PCDHA2: variants seen among roughly 807,000 people sequenced by gnomAD.
The protein encoded by PCDHA2 is protocadherin alpha-2.
PCDHA2 carries 58 observed loss-of-function variants against 66.0 expected under a neutral mutation model. The observed-to-expected ratio is 0.88, with a 90% CI of 0.71 to 1.09. PCDHA2 has a LOEUF of 1.09. Ranked by LOEUF, PCDHA2 falls within the 50% of genes least tolerant of loss-of-function variation. The pLI is 0.00. For missense variants in PCDHA2, 1,267 were observed against 1,242.3 expected (o/e 1.02, Z -0.30); for synonymous variants, 634 against 554.0 (o/e 1.14, Z -2.03).
At chr5:140,966,246 G>A (rs184430396) in intron 1 of PCDHA2, 1 of 319,412 alleles carries the variant, frequency 3.1e-6, no homozygotes, top group East Asian at 5.0e-5. Flanking sequence ...TTAAGCAGGG[G>A]AGAGACGGTG....
chr5:140,819,371 G>A (rs1180027831), intron 1 of PCDHA2, among the ~76,000 whole-genome samples: 2 of 152,040 alleles, frequency 1.3e-5, no homozygotes, highest in Admixed American at 6.5e-5. Flanking sequence ...TCTTGTGTTA[G>A]TATATTTCTA....
chr5:140,876,029 A>C, intron 1 of PCDHA2: 1 of 1,613,700 alleles, frequency 6.2e-7, no homozygotes, highest in Non-Finnish European at 8.5e-7. Context: ...AAAACAAAAA[A>C]AGATAAAAGT....
chr5:140,884,819 A>G (rs782729760), intron 1 of PCDHA2: 398 of 1,018,150 alleles, frequency 3.9e-4, no homozygotes, highest in Admixed American at 1.1e-3. Context: ...TGTGGACATT[A>G]TGTGTTGGAT....
intron 1 of PCDHA2, chr5:140,928,265 A>T (rs1208273188): frequency 4.3e-6 from 7 of 1,614,188 alleles, no homozygotes; most frequent in Non-Finnish European, 4.2e-6. Flanking sequence ...GCTGAAAACA[A>T]TGGCCCTGGG....
intron 1 of PCDHA2, chr5:140,850,369 G>A (rs2041555140): frequency 1.3e-6 from 2 of 1,597,806 alleles, no homozygotes; most frequent in Admixed American, 1.7e-5. Context: ...TTCCGCGTGG[G>A]GCTGTACACG....
At chr5:140,880,231 A>G (rs2058275588) in intron 1 of PCDHA2, among the ~76,000 whole-genome samples, 1 of 152,266 alleles carries the variant, frequency 6.6e-6, no homozygotes, top group South Asian at 2.1e-4. Context: ...CATTTAAATT[A>G]GTGTATGTGC....
intron 3 of PCDHA2, among the ~76,000 whole-genome samples, chr5:140,998,396 T>A (rs2097810780): frequency 6.6e-6 from 1 of 152,212 alleles, no homozygotes. Flanking sequence ...ATGCCATCTT[T>A]ATGCCAAAGT....
intron 1 of PCDHA2, among the ~76,000 whole-genome samples, chr5:140,913,410 C>A (rs375204256): frequency 6.6e-6 from 1 of 152,040 alleles, no homozygotes; most frequent in Non-Finnish European, 1.5e-5. Flanking sequence ...CCTTTGAATT[C>A]CTGCAGTATC....
At chr5:140,937,070 C>G (rs1363778213) in intron 1 of PCDHA2, among the ~76,000 whole-genome samples, 2 of 147,796 alleles carry the variant, frequency 1.4e-5, no homozygotes, top group Admixed American at 1.4e-4. Context: ...CGGAGTCTCG[C>G]TCTGTCGCCC....
chr5:140,902,676 C>T (rs781793838), intron 1 of PCDHA2, among the ~76,000 whole-genome samples: 7 of 152,040 alleles, frequency 4.6e-5, no homozygotes, highest in Non-Finnish European at 7.4e-5. Context: ...CAGTGTACAC[C>T]GTACCTAATA....
chr5:140,795,003 A>G lies in PCDHA2; in HGVS notation c.39A>G (p.Thr13=). The part of the protein sequence containing the change: ...SSIRRGRGAW[T]RLLSLLLLAA... ...TCAGAAGGGGCCGAGGGGCCTGGACACGGCTGCTCTCGCTTCTGCTCCTCG... is the reference window on the plus strand; with the variant it reads ...TCAGAAGGGGCCGAGGGGCCTGGACGCGGCTGCTCTCGCTTCTGCTCCTCG... Residue 13 remains threonine (T), a synonymous_variant, in exon 1 of 4, where the codon ACA becomes ACG. Transcript: ENST00000526136. The G allele has an allele frequency of 1.9e-6, 3 of 1,613,722 alleles. No homozygotes were observed. The highest frequency in any genetic ancestry group is 1.7e-5 in the Admixed American group (1 of 60,020).
chr5:140,834,296 A>T, intron 1 of PCDHA2: 2 of 1,241,708 alleles, frequency 1.6e-6, no homozygotes, highest in South Asian at 1.5e-5. Flanking sequence ...CAATGGCCAC[A>T]CATCGAGATT....
In PCDHA2 at chr5:140,923,435, G is replaced by A. The variant is rs186360462; in HGVS notation, c.2389-55514G>A. 5.3e-3 allele frequency among the ~76,000 whole-genome samples: 803 copies of A among 152,184 alleles called. 3 individuals are homozygous for A. Among genetic ancestry groups the A allele is most frequent in the Non-Finnish European group, 8.4e-3 (569 of 67,990 alleles). ...CCTGGCTACTTGGGAGGCTGGGGTG[G>A]GAGGATCACCTGAGCCCAGAGAGGT... On this transcript the variant is annotated intron_variant, in intron 1 of 3. Transcript: ENST00000526136.
At chr5:140,806,893 A>C (rs1763807858) in intron 1 of PCDHA2, 1 of 441,892 alleles carries the variant, frequency 2.3e-6, no homozygotes, top group Admixed American at 3.9e-5. Context: ...ATGTATTCCT[A>C]TTCTCCGAAA....
intron 1 of PCDHA2, among the ~76,000 whole-genome samples, chr5:140,800,801 A>G (rs1287375050): frequency 1.3e-5 from 2 of 152,262 alleles, no homozygotes; most frequent in Admixed American, 1.3e-4. Flanking sequence ...AGGAATCACA[A>G]TATTTTAGTG....
At chr5:140,864,765 T>C (rs1345308303) in intron 1 of PCDHA2, 1 of 152,222 alleles carries the variant, frequency 6.6e-6, no homozygotes, top group Non-Finnish European at 1.5e-5. Context: ...TTTCTTTCAT[T>C]TTTGGTACCT....
At chr5:140,953,900 C>G (rs1040959969) in intron 1 of PCDHA2, among the ~76,000 whole-genome samples, 4 of 152,126 alleles carry the variant, frequency 2.6e-5, no homozygotes, top group Non-Finnish European at 5.9e-5. Context: ...GTATTAAGCC[C>G]AGCATCCATT....
At position 140,858,127 on chromosome 5, in the gene PCDHA2, T is replaced by C. The variant is rs782220285; in HGVS notation, c.2388+60775T>C. 41 of 1,597,502 alleles carry C rather than the reference T, an allele frequency of 2.6e-5. 1 individual carries two copies. The highest frequency in any genetic ancestry group is 1.7e-4 in the Admixed American group (10 of 59,294). ...TGGCGCCCGAGGTGGCCCTGGTGGATGTCAACGTGTACCTGATCATCGCCA... is the reference window on the plus strand; with the variant it reads ...TGGCGCCCGAGGTGGCCCTGGTGGACGTCAACGTGTACCTGATCATCGCCA... On this transcript the variant is annotated intron_variant, in intron 1 of 3. Coordinates refer to ENST00000526136, the MANE Select transcript of PCDHA2 (RefSeq NM_018905.3).
At position 140,794,958 on chromosome 5, in the gene PCDHA2, A is replaced by C. The variant is rs782377660; in HGVS notation, c.-7A>C. On this transcript the variant is annotated 5_prime_UTR_variant, in exon 1 of 4. Transcript: ENST00000526136. ...TTCTAATTTGATCAAAACATTGAGG[A>C]TTGGTAATGGCGTCTTCTATCAGAA... The C allele has an allele frequency of 6.2e-7, 1 of 1,600,176 alleles. No individual in the cohort carries two copies. Among genetic ancestry groups the C allele is most frequent in the Non-Finnish European group, 8.5e-7 (1 of 1,174,098 alleles).
Sources: gnomAD v4.1 joint callset for allele counts (sites outside exome capture counted in the v4.1 genomes callset) on GRCh38, gnomAD v4.1.1 for gene constraint, MANE v1.5 for transcripts, NCBI Gene and HGNC (gene_info 2026-07-23, HGNC 2026-07-21) for gene names.